The following OLFM3 variants were observed in gnomAD, a reference collection of about 807,000 sequenced individuals.
OLFM3 encodes olfactomedin 3.
OLFM3 carries 20 observed loss-of-function variants against 48.6 expected under a neutral mutation model. That is an observed-to-expected ratio of 0.41 (90% CI 0.29 to 0.60). The LOEUF (loss-of-function observed/expected upper bound fraction) is 0.60, where lower values mean the gene tolerates loss of function less well. OLFM3 is among the 20% of genes least tolerant of loss of function. The pLI is 0.28. For synonymous variants in OLFM3, 222 were observed against 198.1 expected (o/e 1.12, Z -1.01); for missense variants, 437 against 544.3 (o/e 0.80, Z 1.96).
chr1:101,993,192 A>G (rs1253445550), intron 1 of OLFM3, among the ~76,000 whole-genome samples: 1 of 152,162 alleles, frequency 6.6e-6, no homozygotes, highest in Non-Finnish European at 1.5e-5. Flanking sequence ...AAACCTGCTC[A>G]GTCATATTTA....
intron 1 of OLFM3, among the ~76,000 whole-genome samples, chr1:101,896,525 T>G (rs1426862576): frequency 6.9e-6 from 1 of 145,730 alleles, no homozygotes; most frequent in Non-Finnish European, 1.5e-5. Context: ...GACGGAGTCT[T>G]GCTCTGTCAC....
rs372304400 is a variant in OLFM3, at chr1:101,805,993, C to T, written c.699+83G>A. The T allele has an allele frequency of 5.9e-5, 56 of 941,386 alleles. 4 individuals carry two copies. Among genetic ancestry groups the T allele is most frequent in the Admixed American group, 5.4e-4 (24 of 44,058 alleles). The allele number at this position is 941,386 out of a possible 1,614,324, so 58.3% of individuals were successfully genotyped here. A position where few individuals can be genotyped will look rare whatever the true frequency, so the allele number is the denominator to read the frequency against. On this transcript the variant is annotated intron_variant, in intron 5 of 5. Coordinates refer to ENST00000370103, the MANE Select transcript of OLFM3 (RefSeq NM_058170.4). ...CAGTTTTCAAGTACAAACAAATATC[C>T]CTGAAGAAAATGAATAGTCCAGAAG...
chr1:101,857,333 C>A (rs1396178245), intron 1 of OLFM3, among the ~76,000 whole-genome samples: 1 of 151,840 alleles, frequency 6.6e-6, no homozygotes, highest in Non-Finnish European at 1.5e-5. Context: ...CTTGGAGAAC[C>A]TTGCATTATC....
intron 1 of OLFM3, among the ~76,000 whole-genome samples, chr1:101,847,711 T>G (rs541673415): frequency 6.6e-6 from 1 of 152,296 alleles, no homozygotes; most frequent in Middle Eastern, 3.4e-3. Context: ...GTGTTTCCAG[T>G]TTTGCTTTTG....
chr1:101,915,400 C>T (rs79689927), intron 1 of OLFM3, among the ~76,000 whole-genome samples: 13,738 of 151,570 alleles, frequency 0.091, 825 homozygotes, highest in East Asian at 0.22. Flanking sequence ...GTAAAGGGCA[C>T]CAATAAATAA....
intron 1 of OLFM3, among the ~76,000 whole-genome samples, chr1:101,957,417 G>A (rs1660331173): frequency 6.6e-6 from 1 of 151,870 alleles, no homozygotes; most frequent in South Asian, 2.1e-4. Context: ...TGGTGTTTTG[G>A]ATTAGGATGG....
intron 4 of OLFM3, among the ~76,000 whole-genome samples, chr1:101,821,554 C>T (rs1004352881): frequency 6.6e-6 from 1 of 152,066 alleles, no homozygotes; most frequent in East Asian, 1.9e-4. Context: ...ATAAAATATC[C>T]TCTTTGCTCA....
intron 1 of OLFM3, among the ~76,000 whole-genome samples, chr1:101,864,589 C>T (rs751802368): frequency 1.8e-4 from 27 of 152,108 alleles, no homozygotes; most frequent in Non-Finnish European, 3.5e-4. Flanking sequence ...GAGGGGTATG[C>T]CATAACCCTT....
At chr1:101,950,462 G>A (rs1290156296) in intron 1 of OLFM3, among the ~76,000 whole-genome samples, 10 of 143,424 alleles carry the variant, frequency 7.0e-5, no homozygotes, top group African/African-American at 2.6e-4. Context: ...TTTTTGAGAC[G>A]GAGTCTCGCT....
At chr1:101,808,326 C>T (rs1025378542) in intron 4 of OLFM3, among the ~76,000 whole-genome samples, 14 of 151,322 alleles carry the variant, frequency 9.3e-5, no homozygotes, top group Admixed American at 1.3e-4. Flanking sequence ...AAGTTTTAAC[C>T]AATTTCCAGA....
At chr1:101,871,275 T>A (rs1024290430) in intron 1 of OLFM3, among the ~76,000 whole-genome samples, 4 of 152,068 alleles carry the variant, frequency 2.6e-5, no homozygotes, top group African/African-American at 7.2e-5. Flanking sequence ...TCAAGTAGAA[T>A]AACAAAATGC....
At position 101,974,159 on chromosome 1, in the gene OLFM3, TA is replaced by T. The variant is rs5776615; in HGVS notation, c.69+22588del. Among the ~76,000 whole-genome samples, 236 of 145,700 alleles carry T rather than the reference TA, an allele frequency of 1.6e-3. 1 individual carries two copies. The highest frequency in any genetic ancestry group is 3.6e-3 in the Middle Eastern group (1 of 278). On this transcript the variant is annotated intron_variant, in intron 1 of 5. Transcript: ENST00000370103. ...TTAGTGGCTGGATCACGGTGGATGC[TA>T]AAAAAAAAAAATGACAAATTTAACA...
chr1:101,814,869 A>G (rs1654252830), intron 4 of OLFM3, among the ~76,000 whole-genome samples: 1 of 152,222 alleles, frequency 6.6e-6, no homozygotes, highest in Non-Finnish European at 1.5e-5. Context: ...AATAATAGCT[A>G]TTATTATTGT....
At chr1:101,924,799 T>C (rs898306598) in intron 1 of OLFM3, among the ~76,000 whole-genome samples, 1 of 152,170 alleles carries the variant, frequency 6.6e-6, no homozygotes, top group Admixed American at 6.6e-5. Context: ...AGCTCTTCAG[T>C]AACAGGAGAA....
At chr1:101,934,809 G>C (rs1176485728) in intron 1 of OLFM3, among the ~76,000 whole-genome samples, 1 of 151,610 alleles carries the variant, frequency 6.6e-6, no homozygotes, top group Non-Finnish European at 1.5e-5. Flanking sequence ...TCAATACTAA[G>C]AAAACCACTC....
intron 1 of OLFM3, among the ~76,000 whole-genome samples, chr1:101,841,073 C>G (rs1352801559): frequency 1.3e-5 from 2 of 152,108 alleles, no homozygotes; most frequent in Non-Finnish European, 2.9e-5. Context: ...TTGCTTATAA[C>G]TTAATTACAA....
intron 1 of OLFM3, among the ~76,000 whole-genome samples, chr1:101,892,832 T>C (rs1000494325): frequency 3.9e-5 from 6 of 152,140 alleles, no homozygotes; most frequent in Admixed American, 2.6e-4. Context: ...AGAATGTGTT[T>C]ATAAACAAGT....
chr1:101,901,967 C>T (rs150397856), intron 1 of OLFM3, among the ~76,000 whole-genome samples: 14 of 151,626 alleles, frequency 9.2e-5, no homozygotes, highest in East Asian at 7.7e-4. Context: ...GAATCATCTG[C>T]GTGGAGATGA....
intron 1 of OLFM3, among the ~76,000 whole-genome samples, chr1:101,875,859 C>T (rs1247821226): frequency 6.6e-6 from 1 of 151,986 alleles, no homozygotes; most frequent in Admixed American, 6.6e-5. Context: ...TCAACACTGT[C>T]ATTTAAGTGG....
Sources: allele counts gnomAD v4.1 joint callset (sites outside exome capture counted in the v4.1 genomes callset), GRCh38; gene constraint gnomAD v4.1.1; transcripts MANE v1.5; gene names NCBI Gene and HGNC (gene_info 2026-07-23, HGNC 2026-07-21).